The following HS3ST4 variants were observed in gnomAD, a reference collection of about 807,000 sequenced individuals.
The protein encoded by HS3ST4 is heparan sulfate-glucosamine 3-sulfotransferase 4.
A neutral mutation model predicts 29.2 loss-of-function variants in HS3ST4; 17 were observed. That is an observed-to-expected ratio of 0.58 (90% CI 0.40 to 0.87). The LOEUF (loss-of-function observed/expected upper bound fraction) is 0.87. HS3ST4 is among the 40% of genes least tolerant of loss of function. HS3ST4 has a pLI of 0.00. For synonymous variants in HS3ST4, 314 were observed against 285.7 expected (o/e 1.10, Z -1.00); for missense variants, 627 against 634.5 (o/e 0.99, Z 0.13).
intron 1 of HS3ST4, among the ~76,000 whole-genome samples, chr16:26,031,123 TAG>T (rs1168787879): frequency 2.0e-5 from 3 of 152,182 alleles, no homozygotes; most frequent in Non-Finnish European, 4.4e-5. Context: ...GTTATTGAGG[TAG>T]CTGTGGGTCC....
At chr16:25,987,449 G>A (rs1297689740) in intron 1 of HS3ST4, among the ~76,000 whole-genome samples, 2 of 152,174 alleles carry the variant, frequency 1.3e-5, no homozygotes, top group Non-Finnish European at 2.9e-5. Flanking sequence ...CCCTAAAAGG[G>A]ACTGTTCCCA....
intron 1 of HS3ST4, among the ~76,000 whole-genome samples, chr16:26,109,213 G>T (rs893611832): frequency 6.6e-6 from 1 of 152,178 alleles, no homozygotes; most frequent in Non-Finnish European, 1.5e-5. Flanking sequence ...CTTCCAGGGT[G>T]GCTGTGGCAA....
chr16:26,113,801 C>T (rs1899166951), intron 1 of HS3ST4, among the ~76,000 whole-genome samples: 1 of 152,052 alleles, frequency 6.6e-6, no homozygotes. Context: ...GGAATGACAT[C>T]TGATGATATT....
intron 1 of HS3ST4, among the ~76,000 whole-genome samples, chr16:25,810,464 C>G (rs1012283019): frequency 5.0e-4 from 76 of 152,120 alleles, no homozygotes; most frequent in Non-Finnish European, 1.0e-3. Flanking sequence ...TATAGGCCAG[C>G]GAGATCCTGT....
At chr16:26,001,714 G>A (rs959720280) in intron 1 of HS3ST4, among the ~76,000 whole-genome samples, 1 of 152,114 alleles carries the variant, frequency 6.6e-6, no homozygotes, top group Non-Finnish European at 1.5e-5. Flanking sequence ...AAGGAAAGTT[G>A]AGAAAGGGTT....
chr16:25,806,129 C>A (rs1297434604), intron 1 of HS3ST4, among the ~76,000 whole-genome samples: 3 of 152,040 alleles, frequency 2.0e-5, no homozygotes, highest in Admixed American at 2.0e-4. Flanking sequence ...GGATTGATTC[C>A]ATGTCTTTGC....
chr16:25,788,729 T>G (rs1966861946), intron 1 of HS3ST4, among the ~76,000 whole-genome samples: 1 of 151,408 alleles, frequency 6.6e-6, no homozygotes, highest in Non-Finnish European at 1.5e-5. Context: ...TTTGTAGAGA[T>G]GGGATCTTGT....
At chr16:26,064,610 CTTTTTTTTTT>C (rs869047078) in intron 1 of HS3ST4, among the ~76,000 whole-genome samples, 1 of 88,962 alleles carries the variant, frequency 1.1e-5, no homozygotes, top group Non-Finnish European at 2.2e-5. Flanking sequence ...GGATTGTAGT[CTTTTTTTTTT>C]TTTTTTTTTT....
intron 1 of HS3ST4, among the ~76,000 whole-genome samples, chr16:25,895,895 A>G (rs1968058284): frequency 1.3e-5 from 2 of 152,294 alleles, no homozygotes; most frequent in South Asian, 4.2e-4. Flanking sequence ...CTGAATTTCA[A>G]GGGGACACAA....
At chr16:26,061,444 C>T (rs896265630) in intron 1 of HS3ST4, among the ~76,000 whole-genome samples, 1 of 152,178 alleles carries the variant, frequency 6.6e-6, no homozygotes, top group East Asian at 1.9e-4. Flanking sequence ...TCTTCAAACT[C>T]TCTTTGACCT....
intron 1 of HS3ST4, among the ~76,000 whole-genome samples, chr16:26,018,436 G>A (rs895756290): frequency 1.3e-5 from 2 of 152,112 alleles, no homozygotes; most frequent in Non-Finnish European, 2.9e-5. Flanking sequence ...GTCATGCAAC[G>A]AACATTTTTT....
At chr16:25,734,148 A>G (rs564948441) in intron 1 of HS3ST4, among the ~76,000 whole-genome samples, 46 of 152,288 alleles carry the variant, frequency 3.0e-4, no homozygotes, top group African/African-American at 1.0e-3. Flanking sequence ...ACAAAAACAC[A>G]TTGTAGCGAC....
chr16:25,871,166 G>A (rs573210319), intron 1 of HS3ST4, among the ~76,000 whole-genome samples: 2 of 152,256 alleles, frequency 1.3e-5, no homozygotes, highest in East Asian at 3.9e-4. Flanking sequence ...AAGGCAGCGG[G>A]GTGATGGAGG....
intron 1 of HS3ST4, among the ~76,000 whole-genome samples, chr16:26,016,808 A>G (rs576649033): frequency 6.6e-6 from 1 of 152,366 alleles, no homozygotes; most frequent in Admixed American, 6.5e-5. Flanking sequence ...AGAAATGTCT[A>G]GTGCTCACTC....
chr16:25,833,386 G>A (rs1223431772), intron 1 of HS3ST4, among the ~76,000 whole-genome samples: 1 of 152,098 alleles, frequency 6.6e-6, no homozygotes, highest in Non-Finnish European at 1.5e-5. Flanking sequence ...CAAGGTGACT[G>A]GGATTATGTT....
chr16:25,999,360 G>A (rs1312142910), intron 1 of HS3ST4, among the ~76,000 whole-genome samples: 1 of 152,086 alleles, frequency 6.6e-6, no homozygotes, highest in East Asian at 1.9e-4. Flanking sequence ...GGTTAGCTGT[G>A]GGATTGCTTC....
chr16:25,708,513 T>A (rs1370417023), intron 1 of HS3ST4, among the ~76,000 whole-genome samples: 2 of 152,212 alleles, frequency 1.3e-5, no homozygotes, highest in Non-Finnish European at 1.5e-5. Context: ...CTTATGACTA[T>A]CTAAATATGG....
intron 1 of HS3ST4, among the ~76,000 whole-genome samples, chr16:26,106,983 C>T (rs1288467541): frequency 1.3e-5 from 2 of 152,034 alleles, no homozygotes; most frequent in East Asian, 1.9e-4. Flanking sequence ...TTCTAGCCCT[C>T]GACTATCTAG....
chr16:26,036,007 C>G (rs934201741), intron 1 of HS3ST4, among the ~76,000 whole-genome samples: 1 of 152,218 alleles, frequency 6.6e-6, no homozygotes, highest in African/African-American at 2.4e-5. Context: ...CAGGTGTTCA[C>G]TGAAAGTCTC....
Sources: gnomAD v4.1 joint callset for allele counts (sites outside exome capture counted in the v4.1 genomes callset) on GRCh38, gnomAD v4.1.1 for gene constraint, MANE v1.5 for transcripts, NCBI Gene and HGNC (gene_info 2026-07-23, HGNC 2026-07-21) for gene names.